Variants in ASIC2 observed in about 807,000 individuals in gnomAD.
ASIC2 encodes acid-sensing ion channel 2.
In ASIC2, 25 loss-of-function variants were observed where a neutral mutation model predicts 57.3. The observed-to-expected ratio is 0.44, with a 90% CI of 0.32 to 0.61. The LOEUF is 0.61. Among genes scored for constraint, ASIC2 ranks in the 20% least tolerant of loss-of-function variants. The pLI is 0.06. For synonymous variants in ASIC2, 319 were observed against 307.5 expected (o/e 1.04, Z -0.39); for missense variants, 641 against 738.1 (o/e 0.87, Z 1.52).
At chr17:34,122,249 G>C (rs1911643659) in intron 1 of ASIC2, among the ~76,000 whole-genome samples, 1 of 152,150 alleles carries the variant, frequency 6.6e-6, no homozygotes, top group Admixed American at 6.5e-5. Context: ...TCCCAAGGAG[G>C]CTGAGTCTCA....
At chr17:33,567,101 G>T (rs544134294) in intron 1 of ASIC2, among the ~76,000 whole-genome samples, 2 of 152,156 alleles carry the variant, frequency 1.3e-5, no homozygotes, top group Admixed American at 6.5e-5. Context: ...CATATGTGCT[G>T]TTATGACTAT....
chr17:33,711,346 G>C (rs1909029336), intron 1 of ASIC2, among the ~76,000 whole-genome samples: 1 of 152,102 alleles, frequency 6.6e-6, no homozygotes, highest in Non-Finnish European at 1.5e-5. Flanking sequence ...AGCTTCTCCT[G>C]AACTCCCTCT....
At chr17:33,793,310 T>C (rs1225139751) in intron 1 of ASIC2, 1 of 152,230 alleles carries the variant, frequency 6.6e-6, no homozygotes, top group Non-Finnish European at 1.5e-5. Flanking sequence ...ACTTAATCTG[T>C]GTTATTTTAT....
intron 1 of ASIC2, among the ~76,000 whole-genome samples, chr17:33,885,420 T>C (rs1254205778): frequency 6.6e-6 from 1 of 152,206 alleles, no homozygotes; most frequent in Non-Finnish European, 1.5e-5. Context: ...ATCTACCCTA[T>C]TATAGGGCAG....
intron 1 of ASIC2, among the ~76,000 whole-genome samples, chr17:33,236,969 T>C (rs540867149): frequency 6.6e-6 from 1 of 152,184 alleles, no homozygotes; most frequent in East Asian, 1.9e-4. Context: ...AAGCCACATG[T>C]TTTGTGGTAA....
chr17:34,151,105 GA>G (rs56803983), intron 1 of ASIC2, among the ~76,000 whole-genome samples: 11,312 of 125,294 alleles, frequency 0.09, 1,546 homozygotes, highest in African/African-American at 0.3. Context: ...TCCATCTCAA[GA>G]AAAAAAAAAA....
chr17:33,323,073 C>T (rs989150463), intron 1 of ASIC2, among the ~76,000 whole-genome samples: 2 of 152,218 alleles, frequency 1.3e-5, no homozygotes, highest in Non-Finnish European at 2.9e-5. Context: ...TGAACTCTCA[C>T]ATGCTGCTGG....
intron 1 of ASIC2, among the ~76,000 whole-genome samples, chr17:33,910,388 G>A (rs1203847093): frequency 6.6e-6 from 1 of 152,016 alleles, no homozygotes; most frequent in African/African-American, 2.4e-5. Context: ...GCATAGCCAG[G>A]GAGCAAACCC....
intron 1 of ASIC2, among the ~76,000 whole-genome samples, chr17:33,577,650 G>A (rs1001593512): frequency 6.6e-6 from 1 of 152,130 alleles, no homozygotes; most frequent in African/African-American, 2.4e-5. Context: ...GAACAACAGT[G>A]GAAAAGCAGT....
At chr17:33,022,073 G>C (rs1003291442) in intron 6 of ASIC2, among the ~76,000 whole-genome samples, 4 of 152,164 alleles carry the variant, frequency 2.6e-5, no homozygotes, top group African/African-American at 9.7e-5. Context: ...ATGGGGTCTG[G>C]GGACAGTGTT....
At position 33,974,910 on chromosome 17, in the gene ASIC2, G is replaced by A. The variant is rs148209303; in HGVS notation, c.555+181068C>T. Among the ~76,000 whole-genome samples, 522 of 152,074 alleles carry A rather than the reference G, an allele frequency of 3.4e-3. 3 individuals are homozygous for A. Among genetic ancestry groups the A allele is most frequent in the African/African-American group, 0.012 (494 of 41,486 alleles). On this transcript the variant is annotated intron_variant, in intron 1 of 9. Transcript: ENST00000359872. Reference sequence around the variant, plus strand: ...TCAGCTTTTCCTGTCTTCCTCTCCTGCTTCAATTTTCTCCATAGTACTTTA... The same window carrying A: ...TCAGCTTTTCCTGTCTTCCTCTCCTACTTCAATTTTCTCCATAGTACTTTA...
chr17:33,238,859 C>T (rs1908395166), intron 1 of ASIC2, among the ~76,000 whole-genome samples: 1 of 152,130 alleles, frequency 6.6e-6, no homozygotes. Flanking sequence ...CAAAAATTAG[C>T]CAGGCATGGT....
chr17:33,937,020 C>T (rs1354641960), intron 1 of ASIC2, among the ~76,000 whole-genome samples: 2 of 152,234 alleles, frequency 1.3e-5, no homozygotes, highest in African/African-American at 2.4e-5. Flanking sequence ...GTCTGTCTCT[C>T]TCCCTTCCTC....
intron 1 of ASIC2, among the ~76,000 whole-genome samples, chr17:34,128,993 A>G (rs1453613681): frequency 6.6e-6 from 1 of 152,208 alleles, no homozygotes; most frequent in Non-Finnish European, 1.5e-5. Flanking sequence ...GCTCCACAGC[A>G]GAGGGAGTGA....
intron 1 of ASIC2, among the ~76,000 whole-genome samples, chr17:33,467,891 C>A (rs1477518201): frequency 6.6e-6 from 1 of 152,284 alleles, no homozygotes; most frequent in East Asian, 1.9e-4. Flanking sequence ...CTCAGGATCC[C>A]CTGAGGGCTG....
chr17:33,601,069 A>G (rs954186194), intron 1 of ASIC2, among the ~76,000 whole-genome samples: 1 of 152,204 alleles, frequency 6.6e-6, no homozygotes, highest in African/African-American at 2.4e-5. Context: ...CAGTAAAATG[A>G]GAGAAGAGAG....
Position 33,063,958 on chromosome 17 carries a change from C to G in ASIC2, c.987+24905G>C, listed in dbSNP as rs541674934. The stretch of plus-strand genomic sequence containing the variant: ...TTCTTCCAGTTGATCGAATCGGTTA[C>G]TGAAGCTTGTGCATTTGTCACGTAG... On this transcript the variant is annotated intron_variant, in intron 3 of 9. Transcript: ENST00000225823. Among the ~76,000 whole-genome samples the G allele has an allele frequency of 1.1e-4, 16 of 152,350 alleles. No individual in the cohort carries two copies. The South Asian group carries it at 2.5e-3, about 24-fold the overall frequency.
Position 34,031,658 on chromosome 17 carries a change from A to T in ASIC2, c.555+124320T>A, listed in dbSNP as rs8079026. Among the ~76,000 whole-genome samples the T allele has an allele frequency of 9.9e-3, 1,516 of 152,366 alleles. 25 individuals carry two copies. The highest frequency in any genetic ancestry group is 0.034 in the African/African-American group (1,414 of 41,586). ...ATAACTAGAATAACCAATGGAGAAA[A>T]GTCCTTAAGGGACCTAATGGAGCTG... On this transcript the variant is annotated intron_variant, in intron 1 of 9. Transcript: ENST00000359872.
chr17:33,033,587 C>T (rs1432583774), intron 3 of ASIC2, among the ~76,000 whole-genome samples: 1 of 152,218 alleles, frequency 6.6e-6, no homozygotes, highest in African/African-American at 2.4e-5. Context: ...TGGTGGGTGA[C>T]TCCTCCCACT....
Sources: allele counts gnomAD v4.1 joint callset (sites outside exome capture counted in the v4.1 genomes callset), GRCh38; gene constraint gnomAD v4.1.1; transcripts MANE v1.5; gene names NCBI Gene and HGNC (gene_info 2026-07-23, HGNC 2026-07-21).